Variants in NXPE2 observed in about 807,000 individuals in gnomAD.
NXPE2 encodes the protein NXPE family member 2.
A neutral mutation model predicts 34.4 loss-of-function variants in NXPE2; 34 were observed. The ratio of observed to expected loss-of-function variants is 0.99; its 90% CI spans 0.75 to 1.31. The LOEUF is 1.31. Among genes scored for constraint, NXPE2 ranks in the 40% most tolerant of loss-of-function variants. The pLI is 0.00. For missense variants in NXPE2, 649 were observed against 672.5 expected, an observed-to-expected ratio of 0.97 and a Z score of 0.39; for synonymous variants, 235 against 231.3, an observed-to-expected ratio of 1.02 and a Z score of -0.15.
At chr11:114,544,283 AAAG>A in the NXPE2 span, among the ~76,000 whole-genome samples, 4 of 152,212 alleles carry the variant, frequency 2.6e-5, no homozygotes, top group East Asian at 7.7e-4. Flanking sequence ...CAATTCTGAG[AAAG>A]AAGAACAAAA....
chr11:114,506,908 C>T, the NXPE2 span, among the ~76,000 whole-genome samples: 1 of 151,834 alleles, frequency 6.6e-6, no homozygotes, highest in Admixed American at 6.6e-5. Flanking sequence ...GAGATTGAGA[C>T]ACAAAAAAAC....
chr11:114,645,502 A>G, the NXPE2 span, among the ~76,000 whole-genome samples: 18,092 of 152,126 alleles, frequency 0.12, 1,445 homozygotes, highest in African/African-American at 0.23. Flanking sequence ...AAACAAAAAC[A>G]TAAATGATAG....
the NXPE2 span, among the ~76,000 whole-genome samples, chr11:114,639,350 A>AT: frequency 6.6e-6 from 1 of 151,828 alleles, no homozygotes; most frequent in Non-Finnish European, 1.5e-5. Context: ...GAGTGACCCG[A>AT]TTTTCCAGGT....
chr11:114,482,331 C>A, the NXPE2 span, among the ~76,000 whole-genome samples: 2 of 152,154 alleles, frequency 1.3e-5, no homozygotes, highest in Non-Finnish European at 2.9e-5. Flanking sequence ...ATTCAAGACA[C>A]TGGCCTTGTC....
the NXPE2 span, among the ~76,000 whole-genome samples, chr11:114,765,159 C>G: frequency 1.3e-5 from 2 of 152,202 alleles, no homozygotes; most frequent in African/African-American, 2.4e-5. Context: ...CTGGTGAACT[C>G]TTTAAGCTGA....
chr11:114,572,955 G>A, the NXPE2 span, among the ~76,000 whole-genome samples: 1 of 152,132 alleles, frequency 6.6e-6, no homozygotes, highest in Non-Finnish European at 1.5e-5. Context: ...CTTAAGAGCT[G>A]TGAGGCAAAG....
chr11:114,640,419 T>G, the NXPE2 span, among the ~76,000 whole-genome samples: 1 of 151,404 alleles, frequency 6.6e-6, no homozygotes, highest in African/African-American at 2.4e-5. Flanking sequence ...CTGCAATATA[T>G]ATTCACGTGC....
At chr11:114,491,365 T>C in the NXPE2 span, among the ~76,000 whole-genome samples, 1 of 151,890 alleles carries the variant, frequency 6.6e-6, no homozygotes, top group Non-Finnish European at 1.5e-5. Flanking sequence ...GAACAGACAC[T>C]TCTCAAATGA....
the NXPE2 span, among the ~76,000 whole-genome samples, chr11:114,805,646 C>T: frequency 4.6e-5 from 7 of 152,306 alleles, no homozygotes; most frequent in South Asian, 8.3e-4. Flanking sequence ...GGGGGAGGGG[C>T]GCCTGCCATT....
the NXPE2 span, among the ~76,000 whole-genome samples, chr11:114,578,985 T>G: frequency 6.6e-6 from 1 of 152,216 alleles, no homozygotes; most frequent in Non-Finnish European, 1.5e-5. Flanking sequence ...GACTTGTACT[T>G]GTATTAGTCT....
the NXPE2 span, among the ~76,000 whole-genome samples, chr11:114,718,852 C>T: frequency 6.6e-6 from 1 of 152,208 alleles, no homozygotes; most frequent in Non-Finnish European, 1.5e-5. Context: ...GTTGGTGTCT[C>T]CCTAAAATTC....
chr11:114,626,721 G>A, the NXPE2 span, among the ~76,000 whole-genome samples: 27,358 of 152,116 alleles, frequency 0.18, 2,837 homozygotes, highest in Non-Finnish European at 0.22. Flanking sequence ...AAATTATTCC[G>A]AGCTATGGGA....
chr11:114,569,639 G>C, the NXPE2 span, among the ~76,000 whole-genome samples: 1 of 152,082 alleles, frequency 6.6e-6, no homozygotes, highest in South Asian at 2.1e-4. Flanking sequence ...TTTTGTTGTT[G>C]TTTTTTGAGG....
At chr11:114,481,607 A>G in the NXPE2 span, among the ~76,000 whole-genome samples, 1 of 152,226 alleles carries the variant, frequency 6.6e-6, no homozygotes, top group Admixed American at 6.5e-5. Context: ...TCATAAAATT[A>G]AACTTGAATT....
At chr11:114,751,542 C>T in the NXPE2 span, among the ~76,000 whole-genome samples, 1 of 152,042 alleles carries the variant, frequency 6.6e-6, no homozygotes, top group Non-Finnish European at 1.5e-5. Flanking sequence ...TTTTTAGCTG[C>T]TAAGTGCCAT....
chr11:114,641,102 G>A, the NXPE2 span, among the ~76,000 whole-genome samples: 4 of 152,098 alleles, frequency 2.6e-5, no homozygotes, highest in African/African-American at 9.6e-5. Flanking sequence ...AATAACTGAA[G>A]TAAATAGTAG....
the NXPE2 span, among the ~76,000 whole-genome samples, chr11:114,615,530 C>A: frequency 6.6e-6 from 1 of 151,954 alleles, no homozygotes; most frequent in South Asian, 2.1e-4. Context: ...CAGGTAACCA[C>A]TGTTACCCGG....
the NXPE2 span, among the ~76,000 whole-genome samples, chr11:114,575,880 C>T: frequency 1.8e-4 from 28 of 152,150 alleles, no homozygotes; most frequent in Admixed American, 4.6e-4. Flanking sequence ...CAAAAAAGAG[C>T]CCACATAGAC....
chr11:114,612,924 G>A, the NXPE2 span, among the ~76,000 whole-genome samples: 3 of 151,538 alleles, frequency 2.0e-5, no homozygotes, highest in Admixed American at 2.0e-4. Flanking sequence ...GATAATAATT[G>A]TTGCATCGCA....
Sources: gnomAD v4.1 joint callset for allele counts (sites outside exome capture counted in the v4.1 genomes callset) on GRCh38, gnomAD v4.1.1 for gene constraint, MANE v1.5 for transcripts, NCBI Gene and HGNC (gene_info 2026-07-23, HGNC 2026-07-21) for gene names.